NAV1: variants seen among roughly 807,000 people sequenced by gnomAD.
NAV1 encodes the protein pore membrane and/or filament interacting like protein 3.
Under a neutral mutation model 175.2 loss-of-function variants are expected in NAV1, and 18 were observed. The observed-to-expected ratio is 0.10, with a 90% CI of 0.07 to 0.15. The LOEUF (loss-of-function observed/expected upper bound fraction) is 0.15. NAV1 is among the 10% of genes least tolerant of loss of function. NAV1 has a pLI of 1.00. For synonymous variants in NAV1, 897 were observed against 978.7 expected (o/e 0.92, Z 1.56); for missense variants, 1,731 against 2,436.6 (o/e 0.71, Z 6.10).
upstream of NAV1, among the ~76,000 whole-genome samples, chr1:201,620,568 C>T (rs1487332028): frequency 6.8e-6 from 1 of 148,080 alleles, no homozygotes. Flanking sequence ...AAGCAATTCT[C>T]CTGCCTCAGC....
At chr1:201,671,832 T>C (rs1021336246) in intron 1 of NAV1, among the ~76,000 whole-genome samples, 1 of 152,166 alleles carries the variant, frequency 6.6e-6, no homozygotes, top group African/African-American at 2.4e-5. Context: ...CTGGCTTCTA[T>C]CTCTGGTGAG....
At chr1:201,671,487 G>T (rs1670044287) in intron 1 of NAV1, among the ~76,000 whole-genome samples, 1 of 152,184 alleles carries the variant, frequency 6.6e-6, no homozygotes, top group Non-Finnish European at 1.5e-5. Context: ...GGACACTGAG[G>T]CTAACAGTGC....
intron 2 of NAV1, among the ~76,000 whole-genome samples, chr1:201,642,529 C>CTTTCTTTCTTTCT (rs1392511093): frequency 2.0e-5 from 2 of 99,098 alleles, no homozygotes; most frequent in African/African-American, 9.9e-5. Context: ...TTCTTTTTTT[C>CTTTCTTTCTTTCT]TTTCTTTCTT....
At chr1:201,647,772 C>T (rs1172626611), upstream of NAV1, among the ~76,000 whole-genome samples, 2 of 151,980 alleles carry the variant, frequency 1.3e-5, no homozygotes, top group African/African-American at 4.8e-5. Flanking sequence ...GAATGAGCAC[C>T]CTGGATACCA....
chr1:201,826,085 A>G (rs1434766398), exon 30 of NAV1: 3 of 152,250 alleles, frequency 2.0e-5, no homozygotes, highest in East Asian at 1.9e-4. Flanking sequence ...AAGTTTGTCA[A>G]TTTTCCCTGT....
At chr1:201,701,425 A>T (rs541325207) in intron 1 of NAV1, among the ~76,000 whole-genome samples, 1 of 66,272 alleles carries the variant, frequency 1.5e-5, no homozygotes, top group East Asian at 5.4e-4. Context: ...AAAAAATAAA[A>T]AAAGAAAAAG....
intron 2 of NAV1, among the ~76,000 whole-genome samples, chr1:201,641,928 C>T (rs1216231871): frequency 6.6e-6 from 1 of 151,440 alleles, no homozygotes; most frequent in Non-Finnish European, 1.5e-5. Context: ...CCTTCCCTCC[C>T]TCCCTCCTTT....
At chr1:201,803,513 C>A (rs1164325356) in intron 15 of NAV1, 80 bp from the exon 20 acceptor site, 2 of 1,486,466 alleles carry the variant, frequency 1.3e-6, no homozygotes, top group Non-Finnish European at 1.8e-6. Flanking sequence ...TTTCTCTTAT[C>A]TTCTGCCACT....
At chr1:201,604,227 A>T (rs1288505932) in intron 2 of NAV1, among the ~76,000 whole-genome samples, 1 of 151,976 alleles carries the variant, frequency 6.6e-6, no homozygotes, top group Non-Finnish European at 1.5e-5. Context: ...GCTAATTTTT[A>T]ATTTTTTTGT....
At chr1:201,684,577 C>T (rs983923389) in intron 1 of NAV1, among the ~76,000 whole-genome samples, 4 of 149,386 alleles carry the variant, frequency 2.7e-5, no homozygotes, top group Middle Eastern at 3.2e-3. Context: ...CAGGTTCAAG[C>T]GATTCTCCTG....
chr1:201,775,637 A>G (rs1675891068), intron 3 of NAV1, among the ~76,000 whole-genome samples: 2 of 152,242 alleles, frequency 1.3e-5, no homozygotes, highest in South Asian at 4.1e-4. Flanking sequence ...ATGCAAGGAC[A>G]TTGGAAACCT....
chr1:201,614,235 C>G (rs1667937452), intron 2 of NAV1, among the ~76,000 whole-genome samples: 1 of 152,208 alleles, frequency 6.6e-6, no homozygotes, highest in South Asian at 2.1e-4. Flanking sequence ...CCTAGATGCT[C>G]TGGTTAAAAT....
chr1:201,824,934 A>G (rs745447265), exon 30 of NAV1: 63 of 152,266 alleles, frequency 4.1e-4, no homozygotes, highest in Admixed American at 1.0e-3. Flanking sequence ...GATGCACACT[A>G]AATTCAACTG....
At chr1:201,562,611 T>C (rs1666233793) in intron 1 of NAV1, among the ~76,000 whole-genome samples, 1 of 152,220 alleles carries the variant, frequency 6.6e-6, no homozygotes, top group South Asian at 2.1e-4. Context: ...GCAGGACTGA[T>C]CACTTTTGAA....
intron 7 of NAV1, among the ~76,000 whole-genome samples, chr1:201,784,308 C>T (rs1467998176): frequency 6.6e-6 from 1 of 152,156 alleles, no homozygotes; most frequent in Non-Finnish European, 1.5e-5. Flanking sequence ...CAGGCACTTG[C>T]CACCATGCAC....
At chr1:201,565,833 T>C (rs974522555) in intron 1 of NAV1, among the ~76,000 whole-genome samples, 2 of 152,142 alleles carry the variant, frequency 1.3e-5, no homozygotes, top group Admixed American at 1.3e-4. Flanking sequence ...AGGGGCCTTG[T>C]GGCTTCAGGC....
At chr1:201,804,904 G>A (rs1024361027) in intron 17 of NAV1, among the ~76,000 whole-genome samples, 1 of 152,120 alleles carries the variant, frequency 6.6e-6, no homozygotes, top group African/African-American at 2.4e-5. Flanking sequence ...AAGTTATATT[G>A]ACCACAGTTT....
chr1:201,609,480 C>G (rs1667785792), intron 2 of NAV1, among the ~76,000 whole-genome samples: 1 of 152,230 alleles, frequency 6.6e-6, no homozygotes, highest in Non-Finnish European at 1.5e-5. Context: ...GACCCTTCAT[C>G]CCTTGCCCCA....
intron 1 of NAV1, among the ~76,000 whole-genome samples, chr1:201,624,502 C>A (rs1668272427): frequency 6.6e-6 from 1 of 151,826 alleles, no homozygotes; most frequent in South Asian, 2.1e-4. Context: ...CACCACCACA[C>A]CTGGCTAATT....
Sources: gnomAD v4.1 joint callset for allele counts (sites outside exome capture counted in the v4.1 genomes callset) on GRCh38, gnomAD v4.1.1 for gene constraint, MANE v1.5 for transcripts, NCBI Gene and HGNC (gene_info 2026-07-23, HGNC 2026-07-21) for gene names.